Variants in AOPEP observed in about 807,000 individuals in gnomAD.
AOPEP encodes the protein aminopeptidase O (putative).
A neutral mutation model predicts 98.1 loss-of-function variants in AOPEP; 77 were observed. The observed-to-expected ratio is 0.78, with a 90% CI of 0.65 to 0.95. The LOEUF is 0.95. AOPEP is among the 40% of genes least tolerant of loss of function. The probability of loss-of-function intolerance (pLI) is 0.00; values close to 1 mark genes in which losing one functional copy is unlikely to be tolerated. For missense variants in AOPEP, 1,024 were observed against 1,024.7 expected (o/e 1.00, Z 0.01); for synonymous variants, 346 against 365.3 (o/e 0.95, Z 0.60).
intron 5 of AOPEP, among the ~76,000 whole-genome samples, chr9:94,882,396 A>G (rs980840376): frequency 3.4e-5 from 5 of 147,464 alleles, no homozygotes; most frequent in Non-Finnish European, 7.4e-5. Flanking sequence ...ATACCAATTA[A>G]AGAACACATC....
At chr9:94,873,925 T>C (rs2046626547) in intron 5 of AOPEP, among the ~76,000 whole-genome samples, 1 of 152,128 alleles carries the variant, frequency 6.6e-6, no homozygotes, top group African/African-American at 2.4e-5. Context: ...CTTCTCTCAA[T>C]GGAGGATGAA....
In AOPEP at chr9:94,962,149, G is replaced by A. The variant is rs780271044; in HGVS notation, c.1873-5609G>A. ...ATTCTTGTGACCTAATATGGGTGCA[G>A]CTTTTTCCCACTGTGTTAATATTAA... is the stretch of plus-strand genomic sequence containing the variant. On this transcript the variant is annotated intron_variant, in intron 9 of 16. Transcript: ENST00000375315. Among the ~76,000 whole-genome samples, 58 of 152,136 alleles carry A rather than the reference G, an allele frequency of 3.8e-4. 1 individual carries two copies. The highest frequency in any genetic ancestry group is 1.3e-4 in the Admixed American group (2 of 15,268).
At chr9:95,004,947 C>A (rs2061849636) in intron 11 of AOPEP, 2 of 145,862 alleles carry the variant, frequency 1.4e-5, no homozygotes, top group African/African-American at 4.9e-5. Context: ...CGCCCGCCCG[C>A]GCCGCCGCCC....
intron 5 of AOPEP, among the ~76,000 whole-genome samples, chr9:94,867,843 C>T (rs929150590): frequency 9.2e-5 from 14 of 152,176 alleles, no homozygotes; most frequent in African/African-American, 3.1e-4. Flanking sequence ...CAGTCACTTC[C>T]CTGTAACGAG....
intron 3 of AOPEP, among the ~76,000 whole-genome samples, chr9:94,785,943 C>T (rs1052291531): frequency 1.3e-5 from 2 of 152,174 alleles, no homozygotes; most frequent in East Asian, 1.9e-4. Context: ...TTAAATGGAT[C>T]GCTTTGTGTG....
intron 13 of AOPEP, chr9:95,049,014 G>A (rs2066106012): frequency 6.6e-6 from 1 of 152,286 alleles, no homozygotes; most frequent in South Asian, 2.1e-4. Flanking sequence ...CTAGACTCCG[G>A]CTCCAGGGGA....
intron 5 of AOPEP, among the ~76,000 whole-genome samples, chr9:94,923,629 G>A (rs184507321): frequency 9.2e-5 from 14 of 152,272 alleles, no homozygotes; most frequent in Admixed American, 8.5e-4. Flanking sequence ...GACAGCTTAG[G>A]CTTCACACTG....
chr9:95,148,859 G>C, the AOPEP span, among the ~76,000 whole-genome samples: 1 of 152,132 alleles, frequency 6.6e-6, no homozygotes, highest in Middle Eastern at 3.2e-3. Flanking sequence ...TTCAAATTTT[G>C]GTGAGCTATC....
At chr9:94,883,624 G>C (rs762759506) in intron 5 of AOPEP, among the ~76,000 whole-genome samples, 4 of 152,140 alleles carry the variant, frequency 2.6e-5, no homozygotes, top group African/African-American at 4.8e-5. Context: ...TAATACCAAG[G>C]CTTTCTCAGA....
At chr9:94,907,821 A>G (rs2051394056) in intron 5 of AOPEP, among the ~76,000 whole-genome samples, 1 of 152,068 alleles carries the variant, frequency 6.6e-6, no homozygotes, top group Non-Finnish European at 1.5e-5. Flanking sequence ...AGGGTGGGCT[A>G]CCCTGCAAAT....
rs192777552 is a variant in AOPEP, at chr9:95,084,555, G to C, written c.*4+1836G>C. 3.0e-3 allele frequency among the ~76,000 whole-genome samples: 459 copies of C among 152,312 alleles called. 1 individual carries two copies. Among genetic ancestry groups the C allele is most frequent in the Non-Finnish European group, 5.1e-3 (346 of 68,020 alleles). ...TTCGTTTTGTTATTTCGTGGCGTAC[G>C]TGTTAAAGTGTGTGAAACTACAAGG... On this transcript the variant is annotated intron_variant, in intron 16 of 16. Transcript: ENST00000375315.
intron 13 of AOPEP, among the ~76,000 whole-genome samples, chr9:95,029,262 C>A (rs970222851): frequency 1.3e-5 from 2 of 152,162 alleles, no homozygotes; most frequent in African/African-American, 4.8e-5. Flanking sequence ...GGCTGGCAGG[C>A]CTCAGGTGGA....
At chr9:94,814,313 T>C (rs1851250807) in intron 5 of AOPEP, among the ~76,000 whole-genome samples, 1 of 152,236 alleles carries the variant, frequency 6.6e-6, no homozygotes, top group Non-Finnish European at 1.5e-5. Context: ...TCCCACCTTT[T>C]AGACAGCCTC....
chr9:94,933,546 G>A (rs1014780387), intron 7 of AOPEP: 20 of 985,110 alleles, frequency 2.0e-5, no homozygotes, highest in Non-Finnish European at 2.4e-5. Context: ...AGATAAATGC[G>A]AGCATCTTTC....
intron 5 of AOPEP, among the ~76,000 whole-genome samples, chr9:94,911,454 A>C (rs2052023667): frequency 1.3e-5 from 2 of 152,248 alleles, no homozygotes. Flanking sequence ...CACTTCAAGC[A>C]TCACGTAATT....
At chr9:94,815,048 G>A (rs1851404118) in intron 5 of AOPEP, among the ~76,000 whole-genome samples, 1 of 152,172 alleles carries the variant, frequency 6.6e-6, no homozygotes, top group Admixed American at 6.5e-5. Context: ...CACTGGCTGA[G>A]CATAAATTGC....
intron 3 of AOPEP, 119 bp from the exon 4 acceptor site, chr9:94,792,646 A>G (rs750453770): frequency 1.0e-6 from 1 of 970,414 alleles, no homozygotes. Context: ...ACCGACCTCC[A>G]AGAGTTGGCT....
Position 94,924,140 on chromosome 9 carries a change from CACTT to C in AOPEP, c.1520_1523del (p.His507ArgfsTer23), listed in dbSNP as rs1349720256. On this transcript the variant is annotated frameshift_variant, in exon 6 of 17. Coordinates refer to ENST00000375315, the MANE Select transcript of AOPEP (RefSeq NM_001193329.3). LOFTEE classifies it high-confidence loss of function. The stretch of plus-strand genomic sequence containing the variant: ...GTGGCTGAGTGAAGGCTTCGCCACT[CACTT>C]GGAGGATGTGTTTTGGGCCACAGCA... 2.7e-6 allele frequency: 4 copies of C among 1,473,680 alleles called. No individual in the cohort carries two copies. The African/African-American group carries it at 5.7e-5, about 21-fold the overall frequency. The allele number at this position is 1,473,680 out of a possible 1,614,324, so 91.3% of individuals were successfully genotyped here.
intron 7 of AOPEP, among the ~76,000 whole-genome samples, chr9:94,943,797 G>C (rs1411973279): frequency 6.6e-6 from 1 of 151,080 alleles, no homozygotes; most frequent in South Asian, 2.1e-4. Flanking sequence ...GCACGCACCT[G>C]TAATCCCAGC....
Sources: gnomAD v4.1 joint callset for allele counts (sites outside exome capture counted in the v4.1 genomes callset) on GRCh38, gnomAD v4.1.1 for gene constraint, MANE v1.5 for transcripts, NCBI Gene and HGNC (gene_info 2026-07-23, HGNC 2026-07-21) for gene names.